OAS3: variants seen among roughly 807,000 people sequenced by gnomAD.
The protein encoded by OAS3 is 2'-5'-oligoadenylate synthetase 3.
Under a neutral mutation model 113.0 loss-of-function variants are expected in OAS3, and 107 were observed. That is an observed-to-expected ratio of 0.95 (90% CI 0.81 to 1.11). The LOEUF (loss-of-function observed/expected upper bound fraction) is 1.11. Among genes scored for constraint, OAS3 ranks in the 50% most tolerant of loss-of-function variants. The probability of loss-of-function intolerance (pLI) is 0.00; values close to 1 mark genes in which losing one functional copy is unlikely to be tolerated. For synonymous variants in OAS3, 552 were observed against 573.6 expected, an observed-to-expected ratio of 0.96 and a Z score of 0.54; for missense variants, 1,258 against 1,389.1, an observed-to-expected ratio of 0.91 and a Z score of 1.50.
chr12:112,946,918 T>C lies in OAS3; in HGVS notation c.812T>C (p.Val271Ala). Residue 271 changes from valine (V) to alanine (A), a missense_variant, in exon 4 of 16, where the codon GTC (valine) becomes GCC (alanine). Val to Ala is a moderately conservative substitution (Grantham distance 64). Transcript: ENST00000228928. Reference sequence around the variant, plus strand: ...CAGCACCTGTGTGTTTTCTGGACTGTCAACTATGGCTTCGAGGACCCTGCA... The same window carrying C: ...CAGCACCTGTGTGTTTTCTGGACTGCCAACTATGGCTTCGAGGACCCTGCA... ...QHQHLCVFWT[V>A]NYGFEDPAVG... The C allele has an allele frequency of 6.2e-7, 1 of 1,614,044 alleles. No individual in the cohort carries two copies. Among genetic ancestry groups the C allele is most frequent in the Non-Finnish European group, 8.5e-7 (1 of 1,179,898 alleles).
In OAS3 at chr12:112,961,226, G is replaced by A; in HGVS notation, c.1813G>A (p.Val605Met). Residue 605 changes from valine (V) to methionine (M), a missense_variant, in exon 8 of 16, where the codon GTG becomes ATG. Transcript: ENST00000228928. ...PVKLKNLILLVKHWYRQVAAQ... is the reference protein window; with the variant it reads ...PVKLKNLILLMKHWYRQVAAQ... ...CAAGCTGAAGAACCTGATTCTGCTG[G>A]TGAAGCACTGGTACCGCCAGGTGAG... The A allele has an allele frequency of 6.2e-7, 1 of 1,614,000 alleles. No homozygotes were observed. Among genetic ancestry groups the A allele is most frequent in the Admixed American group, 1.7e-5 (1 of 60,016 alleles).
intron 14 of OAS3, among the ~76,000 whole-genome samples, chr12:112,968,494 A>G (rs1477501791): frequency 6.6e-6 from 1 of 152,128 alleles, no homozygotes; most frequent in African/African-American, 2.4e-5. Flanking sequence ...CTGAAAGTCA[A>G]ATTTAACTGG....
Position 112,946,762 on chromosome 12 carries a change from G to A in OAS3, c.656G>A (p.Trp219Ter), listed in dbSNP as rs764917359. 2 of 1,611,138 alleles carry A rather than the reference G, an allele frequency of 1.2e-6. No homozygotes were observed. Among genetic ancestry groups the A allele is most frequent in the African/African-American group, 2.7e-5 (2 of 75,018 alleles). The stretch of plus-strand genomic sequence containing the variant: ...TCACAGGTGTGCCTACAGGGGTTGT[G>A]GAAGGAGACGCTGCCCCCGGTCTAT... ...WYHQVCLQGL[W>*]KETLPPVYAL... Residue 219 changes from tryptophan (W) to a stop codon, truncating the protein, a stop_gained, in exon 4 of 16, where the codon TGG becomes TAG. Transcript: ENST00000228928. LOFTEE classifies it high-confidence loss of function.
intron 7 of OAS3, among the ~76,000 whole-genome samples, chr12:112,953,083 A>C (rs556120950): frequency 6.6e-6 from 1 of 152,146 alleles, no homozygotes; most frequent in South Asian, 2.1e-4. Flanking sequence ...GGTGTGCTGC[A>C]CCCATTAACT....
In OAS3 at chr12:112,961,193, C is replaced by T. The variant is rs776108063; in HGVS notation, c.1780C>T (p.Arg594Cys). 9 of 1,613,232 alleles carry T rather than the reference C, an allele frequency of 5.6e-6. No individual in the cohort carries two copies. Among genetic ancestry groups the T allele is most frequent in the East Asian group, 4.5e-5 (2 of 44,876 alleles). The change falls in exon 8 of 16, where the codon CGC becomes TGC. Residue 594 changes from arginine (R) to cysteine (C), a missense_variant. Physicochemically the swap from Arg to Cys is radical, Grantham distance 180 (BLOSUM62 -3). Transcript: ENST00000228928. ...AELRRNFMNI[R>C]PVKLKNLILL... ...GCTGCGGAGGAACTTCATGAACATT[C>T]GCCCTGTCAAGCTGAAGAACCTGAT...
rs2043880447 is a variant in OAS3 at position 112,961,167 on chromosome 12, A to G, written c.1754A>G (p.Glu585Gly). Residue 585 changes from glutamate to glycine, a missense_variant, in exon 8 of 16, where the codon GAG becomes GGG. By Grantham distance (98) the Glu-to-Gly change is moderately conservative. Transcript: ENST00000228928. ...QEGEHKACFA[E>G]LRRNFMNIRP... Reference sequence around the variant, plus strand: ...GGCGAGCATAAGGCCTGCTTCGCAGAGCTGCGGAGGAACTTCATGAACATT... The same window carrying G: ...GGCGAGCATAAGGCCTGCTTCGCAGGGCTGCGGAGGAACTTCATGAACATT... The G allele has an allele frequency of 6.2e-7, 1 of 1,613,244 alleles. No individual in the cohort carries two copies. Among genetic ancestry groups the G allele is most frequent in the Non-Finnish European group, 8.5e-7 (1 of 1,179,902 alleles).
At position 112,962,656 on chromosome 12, in the gene OAS3, C is replaced by T. The variant is rs371708909; in HGVS notation, c.1838C>T (p.Ala613Val). Reference sequence around the variant, plus strand: ...GGTTGGCCTTGTGTGACACAGGTTGCGGCTCAGAACAAAGGAAAAGGACCA... The same window carrying T: ...GGTTGGCCTTGTGTGACACAGGTTGTGGCTCAGAACAAAGGAAAAGGACCA... ...LLVKHWYRQV[A>V]AQNKGKGPAP... The change falls in exon 9 of 16, where the codon GCG becomes GTG. Residue 613 changes from alanine (A) to valine (V), a missense_variant. Transcript: ENST00000228928. The T allele has an allele frequency of 2.4e-5, 38 of 1,612,932 alleles. No homozygotes were observed. Among genetic ancestry groups the T allele is most frequent in the African/African-American group, 9.3e-5 (7 of 74,902 alleles).
Position 112,946,962 on chromosome 12 carries a change from C to T in OAS3, c.856C>T (p.Arg286Trp), listed in dbSNP as rs781335794. ...EDPAVGQFLQ[R>W]QLKRPRPVIL... ...CCCTGCAGTTGGGCAGTTCTTGCAG[C>T]GGCAGCTTAAGAGACCCAGGTACTT... Residue 286 changes from arginine (R) to tryptophan (W), a missense_variant, in exon 4 of 16, where the codon CGG (arginine) becomes TGG (tryptophan). Coordinates refer to ENST00000228928, the MANE Select transcript of OAS3 (RefSeq NM_006187.4). 1.9e-5 allele frequency: 31 copies of T among 1,613,802 alleles called. No individual in the cohort carries two copies. The highest frequency in any genetic ancestry group is 2.2e-5 in the East Asian group (1 of 44,898).
chr12:112,938,819 C>A, intron 1 of OAS3, 112 bp downstream of exon 1: 3 of 857,398 alleles, frequency 3.5e-6, no homozygotes, highest in South Asian at 2.0e-5. Context: ...GCACCTCATT[C>A]ATTTCTTTAA....
chr12:112,945,983 C>T (rs2136346037), intron 3 of OAS3, among the ~76,000 whole-genome samples: 1 of 152,244 alleles, frequency 6.6e-6, no homozygotes, highest in African/African-American at 2.4e-5. Flanking sequence ...CAGAGTAAGA[C>T]TCTGTCTATA....
rs1474331117 is a variant in OAS3 at position 112,963,018 on chromosome 12, T to C, written c.2084+116T>C. 2 of 1,352,650 alleles carry C rather than the reference T, an allele frequency of 1.5e-6. No homozygotes were observed. The highest frequency in any genetic ancestry group is 2.0e-6 in the Non-Finnish European group (2 of 980,526). 83.8% of individuals were successfully genotyped at this position (1,352,650 alleles called of 1,614,324 possible). ...GGGTTTGGGGTGGCAATCCCACTCC[T>C]CACTCTGCTTCCCTCTGGACTCTTT... On this transcript the variant is annotated intron_variant, in intron 9 of 15. Coordinates refer to ENST00000228928, the MANE Select transcript of OAS3 (RefSeq NM_006187.4). This position sits in a 1 kb window ranked among gnomAD's most constrained non-coding sequence, Gnocchi z 4.6.
At chr12:112,939,063 T>C (rs186312287) in intron 1 of OAS3, among the ~76,000 whole-genome samples, 3 of 152,290 alleles carry the variant, frequency 2.0e-5, no homozygotes. Context: ...ATTCTCCCAG[T>C]CATTCAAACA....
Position 112,950,771 on chromosome 12 carries a change from GACT to G in OAS3, c.1456_1458del (p.Tyr486del). Reference sequence around the variant, plus strand: ...CATCATCTTCCTCAACTGCTTCACGGACTACAAGGACCAGGGGCCCCGCCGCGC... The same window carrying G: ...CATCATCTTCCTCAACTGCTTCACGGACAAGGACCAGGGGCCCCGCCGCGC... On this transcript the variant is annotated inframe_deletion, in exon 7 of 16. Coordinates refer to ENST00000228928, the MANE Select transcript of OAS3 (RefSeq NM_006187.4). The G allele has an allele frequency of 6.2e-7, 1 of 1,614,022 alleles. No individual in the cohort carries two copies. Among genetic ancestry groups the G allele is most frequent in the Non-Finnish European group, 8.5e-7 (1 of 1,179,894 alleles).
At chr12:112,964,800 C>G (rs1271531047) in intron 11 of OAS3, among the ~76,000 whole-genome samples, 1 of 152,118 alleles carries the variant, frequency 6.6e-6, no homozygotes, top group Non-Finnish European at 1.5e-5. Flanking sequence ...TGGTCTTTGG[C>G]AGCTCTAAGC....
At chr12:112,966,795 C>T (rs533643930) in intron 12 of OAS3, among the ~76,000 whole-genome samples, 1 of 152,282 alleles carries the variant, frequency 6.6e-6, no homozygotes, top group South Asian at 2.1e-4. Flanking sequence ...GTGCACACCA[C>T]CACACCTGGC....
chr12:112,965,947 C>T lies in OAS3; in HGVS notation c.2607C>T (p.Arg869=), dbSNP rs746999136. 15 of 1,613,964 alleles carry T rather than the reference C, an allele frequency of 9.3e-6. No homozygotes were observed. The highest frequency in any genetic ancestry group is 3.3e-5 in the Admixed American group (2 of 60,006). ...AAGTCTCCAAATGGGAGAATCCCCG[C>T]GTGCTGAGCTTCTCACTGACATCCC... is the stretch of plus-strand genomic sequence containing the variant. ...KFEVSKWENP[R]VLSFSLTSQT... The change falls in exon 12 of 16, where the codon CGC becomes CGT. Residue 869 remains arginine, a synonymous_variant. Transcript: ENST00000228928.
chr12:112,959,066 C>T (rs747041819), intron 7 of OAS3, among the ~76,000 whole-genome samples: 1 of 152,208 alleles, frequency 6.6e-6, no homozygotes, highest in Non-Finnish European at 1.5e-5. Flanking sequence ...CCCCTAGCCT[C>T]GCTTCTGCCT....
intron 7 of OAS3, among the ~76,000 whole-genome samples, chr12:112,955,513 A>G (rs2136353274): frequency 6.6e-6 from 1 of 152,324 alleles, no homozygotes; most frequent in African/African-American, 2.4e-5. Flanking sequence ...TAGTTTATTG[A>G]GAGTTTTTAG....
In OAS3 at chr12:112,938,718, A is replaced by C; in HGVS notation, c.177+11A>C. 6.6e-7 allele frequency: 1 copy of C among 1,523,602 alleles called. No individual in the cohort carries two copies. The highest frequency in any genetic ancestry group is 1.5e-5 in the African/African-American group (1 of 65,964). 94.4% of individuals were successfully genotyped at this position (1,523,602 alleles called of 1,614,324 possible). A position where few individuals can be genotyped will look rare whatever the true frequency, so the allele number is the denominator to read the frequency against. On this transcript the variant is annotated intron_variant, in intron 1 of 15. Coordinates refer to ENST00000228928, the MANE Select transcript of OAS3 (RefSeq NM_006187.4). ...CTGAAAACTGTCAAGGTGAGGTCCC[A>C]CCTCGGGGTCTTTATGTGTCCAAAG...
Sources: gnomAD v4.1 joint callset for allele counts (sites outside exome capture counted in the v4.1 genomes callset) on GRCh38, gnomAD v4.1.1 for gene constraint, Gnocchi (gnomAD v3.1) non-coding constraint, MANE v1.5 for transcripts, NCBI Gene and HGNC (gene_info 2026-07-23, HGNC 2026-07-21) for gene names.